Variants in CNTNAP2 observed in about 807,000 individuals in gnomAD.
The protein encoded by CNTNAP2 is contactin-associated protein-like 2.
In CNTNAP2, 98 loss-of-function variants were observed where a neutral mutation model predicts 155.2. The ratio of observed to expected loss-of-function variants is 0.63; its 90% CI spans 0.54 to 0.75. The LOEUF (loss-of-function observed/expected upper bound fraction) is 0.75, where lower values mean the gene tolerates loss of function less well. CNTNAP2 is among the 30% of genes least tolerant of loss of function. The pLI, the probability that CNTNAP2 is intolerant of heterozygous loss-of-function variation, is 0.00. For synonymous variants in CNTNAP2, 651 were observed against 631.2 expected, an observed-to-expected ratio of 1.03 and a Z score of -0.47; for missense variants, 1,727 against 1,688.1, an observed-to-expected ratio of 1.02 and a Z score of -0.40.
intron 1 of CNTNAP2, among the ~76,000 whole-genome samples, chr7:146,158,732 A>G (rs1220807159): frequency 6.6e-6 from 1 of 152,198 alleles, no homozygotes; most frequent in African/African-American, 2.4e-5. Flanking sequence ...TCCAAGAAAT[A>G]TGGGACTATG....
intron 8 of CNTNAP2, among the ~76,000 whole-genome samples, chr7:147,246,484 T>C (rs894737006): frequency 1.3e-5 from 2 of 152,154 alleles, no homozygotes; most frequent in African/African-American, 4.8e-5. Context: ...TGAGGTCCCA[T>C]TTCTTGGTTA....
At chr7:146,594,846 A>G (rs1190635728) in intron 1 of CNTNAP2, among the ~76,000 whole-genome samples, 3 of 152,082 alleles carry the variant, frequency 2.0e-5, no homozygotes, top group Non-Finnish European at 4.4e-5. Context: ...ACCAATTTGT[A>G]GTGTTTGCTG....
chr7:147,922,584 C>T (rs1403762867), intron 14 of CNTNAP2, among the ~76,000 whole-genome samples: 1 of 152,180 alleles, frequency 6.6e-6, no homozygotes, highest in Non-Finnish European at 1.5e-5. Context: ...TCACATTCTA[C>T]ACTAGGTCCA....
intron 17 of CNTNAP2, among the ~76,000 whole-genome samples, chr7:148,166,105 C>T (rs1341864711): frequency 2.0e-5 from 3 of 151,998 alleles, no homozygotes; most frequent in Non-Finnish European, 2.9e-5. Context: ...CTCCCCCACC[C>T]CACTCCAACT....
chr7:146,881,463 T>C (rs956021031), intron 3 of CNTNAP2, among the ~76,000 whole-genome samples: 2 of 152,114 alleles, frequency 1.3e-5, no homozygotes, highest in African/African-American at 4.8e-5. Context: ...CTGCCTGATT[T>C]TTAGCCCAGT....
intron 1 of CNTNAP2, among the ~76,000 whole-genome samples, chr7:146,429,765 T>C (rs1226144727): frequency 1.3e-5 from 2 of 152,138 alleles, no homozygotes; most frequent in East Asian, 3.9e-4. Context: ...AATGCTATGT[T>C]GAATAGGAGT....
chr7:148,387,988 T>G (rs1281264418), intron 22 of CNTNAP2, among the ~76,000 whole-genome samples: 3 of 152,028 alleles, frequency 2.0e-5, no homozygotes, highest in African/African-American at 4.8e-5. Flanking sequence ...ATAAATGCCA[T>G]AGCAATGTCA....
chr7:147,256,756 G>T (rs917632855), intron 8 of CNTNAP2, among the ~76,000 whole-genome samples: 8 of 152,126 alleles, frequency 5.3e-5, no homozygotes, highest in South Asian at 2.1e-4. Context: ...GAGTGGTGGG[G>T]AACAGGACAG....
chr7:147,839,349 G>C (rs186581383), intron 13 of CNTNAP2, among the ~76,000 whole-genome samples: 1 of 152,198 alleles, frequency 6.6e-6, no homozygotes, highest in East Asian at 1.9e-4. Context: ...GTACCTAATA[G>C]ATTCCAAAGA....
chr7:148,217,201 C>T, intron 18 of CNTNAP2, 87 bp from the exon 19 acceptor site: 3 of 1,294,944 alleles, frequency 2.3e-6, no homozygotes, highest in Non-Finnish European at 2.2e-6. Flanking sequence ...CCAGTGCCTG[C>T]ACTCCATGAA....
chr7:148,170,550 C>G (rs1231616352), intron 17 of CNTNAP2, among the ~76,000 whole-genome samples: 1 of 152,208 alleles, frequency 6.6e-6, no homozygotes, highest in Non-Finnish European at 1.5e-5. Context: ...CATCTACTCT[C>G]TCATAGCTTT....
chr7:146,500,411 C>T (rs927590768), intron 1 of CNTNAP2, among the ~76,000 whole-genome samples: 1 of 152,000 alleles, frequency 6.6e-6, no homozygotes, highest in Non-Finnish European at 1.5e-5. Context: ...AGAAATGTAA[C>T]TATATATGAG....
intron 15 of CNTNAP2, among the ~76,000 whole-genome samples, chr7:148,076,682 A>G (rs1470483645): frequency 6.6e-6 from 1 of 151,622 alleles, no homozygotes; most frequent in Non-Finnish European, 1.5e-5. Context: ...TGATCCACCC[A>G]TCTCTGCCTC....
In CNTNAP2 at chr7:148,383,797, G is replaced by C. The variant is rs769424919; in HGVS notation, c.3624G>C (p.Glu1208Asp). Reference sequence around the variant, plus strand: ...CGGCTCACGTCCACATCCAGGGCGAGCTGGTGGAGTCCAACTGCGGGGCCT... The same window carrying C: ...CGGCTCACGTCCACATCCAGGGCGACCTGGTGGAGTCCAACTGCGGGGCCT... ...NASAHVHIQG[E>D]LVESNCGASP... Residue 1208 changes from glutamate to aspartate, a missense_variant, in exon 22 of 24, where the codon GAG becomes GAC. Glu to Asp is a conservative substitution (Grantham distance 45, BLOSUM62 2). Coordinates refer to ENST00000361727, the MANE Select transcript of CNTNAP2 (RefSeq NM_014141.6). 6.2e-7 allele frequency: 1 copy of C among 1,614,174 alleles called. No individual in the cohort carries two copies. The highest frequency in any genetic ancestry group is 1.7e-5 in the Admixed American group (1 of 60,024).
Position 146,500,562 on chromosome 7 carries a change from G to A in CNTNAP2, c.98-273709G>A, listed in dbSNP as rs376469952. On this transcript the variant is annotated intron_variant, in intron 1 of 23. Coordinates refer to ENST00000361727, the MANE Select transcript of CNTNAP2 (RefSeq NM_014141.6). ...GGAGGCCTGAAGATATTTTTCTGAG[G>A]CAGGAACTCAGATAAAACAAATGTA... Among the ~76,000 whole-genome samples the A allele has an allele frequency of 1.8e-4, 27 of 152,180 alleles. No individual in the cohort carries two copies. The South Asian group carries it at 4.8e-3, about 27-fold the overall frequency.
intron 12 of CNTNAP2, among the ~76,000 whole-genome samples, chr7:147,633,319 G>T (rs1795120831): frequency 6.6e-6 from 1 of 152,190 alleles, no homozygotes; most frequent in African/African-American, 2.4e-5. Flanking sequence ...AGGATGTATG[G>T]AAATGCCTGG....
chr7:147,741,439 T>C (rs1363640555), intron 13 of CNTNAP2, among the ~76,000 whole-genome samples: 1 of 152,202 alleles, frequency 6.6e-6, no homozygotes, highest in Non-Finnish European at 1.5e-5. Flanking sequence ...TTAAGAGTTA[T>C]CTTCTATGCT....
At position 148,062,008 on chromosome 7, in the gene CNTNAP2, T is replaced by TAGAGAGA. The variant is rs201856851; in HGVS notation, c.2384-56110_2384-56109insAGAGAGA. ...ATAGATAGATAGATAGATAGATAGA[T>TAGAGAGA]GATAGAGAGAGAGAGAGAGAGTGTG... is the stretch of plus-strand genomic sequence containing the variant. On this transcript the variant is annotated intron_variant, in intron 15 of 23. Transcript: ENST00000361727. Among the ~76,000 whole-genome samples, 158 of 78,576 alleles carry TAGAGAGA rather than the reference T, an allele frequency of 2.0e-3. 5 individuals are homozygous for TAGAGAGA. The highest frequency in any genetic ancestry group is 5.4e-3 in the African/African-American group (82 of 15,076). The allele number at this position is 78,576 out of a possible 152,430, so 51.5% of individuals were successfully genotyped here. A position where few individuals can be genotyped will look rare whatever the true frequency, so the allele number is the denominator to read the frequency against.
intron 15 of CNTNAP2, among the ~76,000 whole-genome samples, chr7:148,064,677 TAAAA>T (rs35247645): frequency 7.9e-6 from 1 of 126,116 alleles, no homozygotes; most frequent in African/African-American, 2.8e-5. Context: ...TAATAGCTGT[TAAAA>T]AAAAAAAAAA....
Sources: gnomAD v4.1 joint callset for allele counts (sites outside exome capture counted in the v4.1 genomes callset) on GRCh38, gnomAD v4.1.1 for gene constraint, MANE v1.5 for transcripts, NCBI Gene and HGNC (gene_info 2026-07-23, HGNC 2026-07-21) for gene names.